AFG2A: variants seen among roughly 807,000 people sequenced by gnomAD.
AFG2A encodes the protein AAA ATPase AFG2A.
chr4:123,128,405 A>G, the AFG2A span, among the ~76,000 whole-genome samples: 1 of 152,072 alleles, frequency 6.6e-6, no homozygotes, highest in Non-Finnish European at 1.5e-5. Context: ...CTTAGTTTAA[A>G]CTTTTTCTGA....
At chr4:123,025,386 G>C in the AFG2A span, among the ~76,000 whole-genome samples, 1 of 152,200 alleles carries the variant, frequency 6.6e-6, no homozygotes, top group African/African-American at 2.4e-5. Context: ...AGTGGAGTAT[G>C]CTGTGATGCA....
At chr4:122,988,055 T>C in the AFG2A span, among the ~76,000 whole-genome samples, 2 of 105,518 alleles carry the variant, frequency 1.9e-5, no homozygotes, top group Non-Finnish European at 4.0e-5. Context: ...TATAGTATTC[T>C]TTGTTGGCAG....
chr4:123,025,105 GT>G, the AFG2A span, among the ~76,000 whole-genome samples: 1 of 152,196 alleles, frequency 6.6e-6, no homozygotes, highest in Non-Finnish European at 1.5e-5. Context: ...TTCATCTACT[GT>G]TTTCCAGAAT....
the AFG2A span, among the ~76,000 whole-genome samples, chr4:122,984,417 C>T: frequency 6.6e-6 from 1 of 152,116 alleles, no homozygotes; most frequent in East Asian, 1.9e-4. Flanking sequence ...AGTTTTTCCT[C>T]TTTACTGATT....
chr4:123,028,391 T>C, the AFG2A span: 2 of 1,614,036 alleles, frequency 1.2e-6, no homozygotes, highest in Admixed American at 3.3e-5. Context: ...TTTCTAGCTA[T>C]AAAGGTAGGG....
chr4:123,001,754 G>A, the AFG2A span, among the ~76,000 whole-genome samples: 2 of 151,482 alleles, frequency 1.3e-5, no homozygotes, highest in South Asian at 2.1e-4. Flanking sequence ...TAGGTATGGT[G>A]TGGTGCTGAG....
At chr4:122,968,492 G>T in the AFG2A span, among the ~76,000 whole-genome samples, 1 of 152,260 alleles carries the variant, frequency 6.6e-6, no homozygotes, top group African/African-American at 2.4e-5. Context: ...GGCTTCGAAT[G>T]CCATAGATCA....
the AFG2A span, among the ~76,000 whole-genome samples, chr4:123,279,990 C>T: frequency 2.6e-5 from 4 of 152,220 alleles, no homozygotes; most frequent in South Asian, 6.2e-4. Context: ...TAAGTTAGTT[C>T]GCATTTATGA....
the AFG2A span, among the ~76,000 whole-genome samples, chr4:123,123,723 G>A: frequency 4.6e-5 from 7 of 151,820 alleles, no homozygotes; most frequent in African/African-American, 7.2e-5. Context: ...CGAGACGGGT[G>A]GATCACGAGG....
At chr4:122,957,815 C>G in the AFG2A span, among the ~76,000 whole-genome samples, 1 of 151,934 alleles carries the variant, frequency 6.6e-6, no homozygotes, top group South Asian at 2.1e-4. Context: ...TTAGAATTAC[C>G]CAGAAAGTTA....
At chr4:123,114,911 G>A in the AFG2A span, among the ~76,000 whole-genome samples, 1 of 152,238 alleles carries the variant, frequency 6.6e-6, no homozygotes, top group African/African-American at 2.4e-5. Flanking sequence ...CCTTTGGCCA[G>A]GTGCTTGTGG....
the AFG2A span, among the ~76,000 whole-genome samples, chr4:123,194,212 A>C: frequency 6.6e-6 from 1 of 152,246 alleles, no homozygotes; most frequent in Non-Finnish European, 1.5e-5. Context: ...CATAAGGACT[A>C]GACTTCAGGG....
At chr4:123,033,310 C>T in the AFG2A span, among the ~76,000 whole-genome samples, 3 of 152,112 alleles carry the variant, frequency 2.0e-5, no homozygotes, top group African/African-American at 4.8e-5. Context: ...GAGCTCTTAA[C>T]CACTGTATTA....
chr4:123,114,542 G>A, the AFG2A span, among the ~76,000 whole-genome samples: 1 of 152,184 alleles, frequency 6.6e-6, no homozygotes, highest in African/African-American at 2.4e-5. Context: ...GCACACACCT[G>A]GCTGGGCCAC....
At chr4:123,147,169 T>C in the AFG2A span, among the ~76,000 whole-genome samples, 1 of 152,310 alleles carries the variant, frequency 6.6e-6, no homozygotes, top group African/African-American at 2.4e-5. Flanking sequence ...TGAATCTCTT[T>C]AAACCAGGAG....
the AFG2A span, among the ~76,000 whole-genome samples, chr4:123,084,494 C>T: frequency 0.91 from 137,396 of 151,284 alleles, 62,623 homozygotes; most frequent in East Asian, 0.98. Flanking sequence ...ATTTTCTTTG[C>T]ATATTTATAG....
chr4:123,088,412 A>G, the AFG2A span, among the ~76,000 whole-genome samples: 1 of 152,212 alleles, frequency 6.6e-6, no homozygotes, highest in Non-Finnish European at 1.5e-5. Flanking sequence ...TGAAATATTT[A>G]CTATGCTTGT....
At chr4:122,938,278 G>A in the AFG2A span, 1 of 1,509,124 alleles carries the variant, frequency 6.6e-7, no homozygotes, top group South Asian at 1.4e-5. Context: ...TTGATTCTGT[G>A]TAGGGTTAAT....
At chr4:123,250,759 C>T in the AFG2A span, among the ~76,000 whole-genome samples, 1 of 152,116 alleles carries the variant, frequency 6.6e-6, no homozygotes, top group African/African-American at 2.4e-5. Context: ...CCAACATGGC[C>T]TTGGAGCCAT....
Sources: gnomAD v4.1 joint callset for allele counts (sites outside exome capture counted in the v4.1 genomes callset) on GRCh38, gnomAD v4.1.1 for gene constraint, MANE v1.5 for transcripts, NCBI Gene and HGNC (gene_info 2026-07-23, HGNC 2026-07-21) for gene names.